The following NOA1 variants were observed in gnomAD, a reference collection of about 807,000 sequenced individuals.
The protein encoded by NOA1 is nitric oxide-associated protein 1.
Under a neutral mutation model 58.4 loss-of-function variants are expected in NOA1, and 35 were observed. The observed-to-expected ratio is 0.60, with a 90% CI of 0.46 to 0.79. NOA1 has a LOEUF of 0.79. Ranked by LOEUF, NOA1 falls within the 30% of genes least tolerant of loss-of-function variation. NOA1 has a pLI of 0.00. For missense variants in NOA1, 895 were observed against 894.6 expected, an observed-to-expected ratio of 1.00 and a Z score of -0.01; for synonymous variants, 397 against 373.4, an observed-to-expected ratio of 1.06 and a Z score of -0.73.
chr4:56,967,428 C>CA (rs1409698107), intron 4 of NOA1, among the ~76,000 whole-genome samples: 1 of 150,030 alleles, frequency 6.7e-6, no homozygotes, highest in Non-Finnish European at 1.5e-5. Flanking sequence ...ACCCCAAAAG[C>CA]AAAAAACCAA....
In NOA1 at chr4:56,976,721, G is replaced by A. The variant is rs534771757; in HGVS notation, c.865C>T (p.Pro289Ser). The change falls in exon 1 of 7, where the codon CCC becomes TCC. Residue 289 changes from proline (P) to serine (S), a missense_variant. Transcript: ENST00000264230. ...LAPGHQGPQRPVKDEPQDGEN... is the reference protein window; with the variant it reads ...LAPGHQGPQRSVKDEPQDGEN... Reference sequence around the variant, plus strand: ...CCGTCCTGTGGCTCGTCCTTGACGGGGCGCTGTGGCCCTTGGTGGCCAGGG... The same window carrying A: ...CCGTCCTGTGGCTCGTCCTTGACGGAGCGCTGTGGCCCTTGGTGGCCAGGG... 1 of 1,612,450 alleles carries A rather than the reference G, an allele frequency of 6.2e-7. No individual in the cohort carries two copies. The highest frequency in any genetic ancestry group is 2.2e-5 in the East Asian group (1 of 44,816).
chr4:56,963,735 A>T, intron 6 of NOA1, 74 bp from the exon 7 acceptor site: 1 of 1,068,332 alleles, frequency 9.4e-7, no homozygotes, highest in South Asian at 1.3e-5. Flanking sequence ...CAAAGCTGAA[A>T]ATGGACTATC....
In NOA1 at chr4:56,977,345, G is replaced by A. The variant is rs1286157537; in HGVS notation, c.241C>T (p.Pro81Ser). The A allele has an allele frequency of 2.5e-6, 4 of 1,614,202 alleles. No individual in the cohort carries two copies. Among genetic ancestry groups the A allele is most frequent in the Admixed American group, 3.3e-5 (2 of 60,034 alleles). The change falls in exon 1 of 7, where the codon CCG (proline) becomes TCG (serine). Residue 81 changes from proline to serine, a missense_variant. Physicochemically the swap from Pro to Ser is moderately conservative, Grantham distance 74. Transcript: ENST00000264230. ...RFLFPEYILD[P>S]EPQPTREKQL... ...TTTTCGCGGGTGGGTTGCGGCTCCGGATCCAGGATGTACTCCGGGAACAGA... is the reference window on the plus strand; with the variant it reads ...TTTTCGCGGGTGGGTTGCGGCTCCGAATCCAGGATGTACTCCGGGAACAGA...
chr4:56,969,902 T>A (rs937754151), intron 3 of NOA1, among the ~76,000 whole-genome samples: 1 of 152,070 alleles, frequency 6.6e-6, no homozygotes, highest in African/African-American at 2.4e-5. Context: ...TGTCTCAGTC[T>A]CCCAAGTAGC....
chr4:56,977,036 G>C lies in NOA1; in HGVS notation c.550C>G (p.Leu184Val). Reference sequence around the variant, plus strand: ...AGAGCGCGCCGGTGGTGCGACAGCAGCCAGCAGCGCTGGCACACGGTCCGT... The same window carrying C: ...AGAGCGCGCCGGTGGTGCGACAGCACCCAGCAGCGCTGGCACACGGTCCGT... Reference protein sequence around the residue: ...LARTVCQRCWLLSHHRRALRL... With the variant: ...LARTVCQRCWVLSHHRRALRL... The change falls in exon 1 of 7, where the codon CTG becomes GTG. Residue 184 changes from leucine to valine, a missense_variant. Leu to Val is a conservative substitution (Grantham distance 32). Coordinates refer to ENST00000264230, the MANE Select transcript of NOA1 (RefSeq NM_032313.4). 1 of 1,586,040 alleles carries C rather than the reference G, an allele frequency of 6.3e-7. No individual in the cohort carries two copies. Among genetic ancestry groups the C allele is most frequent in the Non-Finnish European group, 8.5e-7 (1 of 1,171,210 alleles).
chr4:56,966,815 A>C (rs1721720460), intron 4 of NOA1, 79 bp from the exon 5 acceptor site: 2 of 902,110 alleles, frequency 2.2e-6, no homozygotes, highest in South Asian at 3.0e-5. Flanking sequence ...AACTAAAAAA[A>C]AAACAAACCA....
rs1203066922 is a variant in NOA1 at position 56,965,834 on chromosome 4, C to CTTTTTT, written c.1764+785_1764+786insAAAAAA. Among the ~76,000 whole-genome samples, 299 of 90,624 alleles carry CTTTTTT rather than the reference C, an allele frequency of 3.3e-3. 5 individuals are homozygous for CTTTTTT. Among genetic ancestry groups the CTTTTTT allele is most frequent in the Non-Finnish European group, 5.6e-3 (234 of 41,458 alleles). The allele number at this position is 90,624 out of a possible 152,430, so 59.5% of individuals were successfully genotyped here. ...CTAAGCAACCATATTTTAAATTTTCCCTTTTTTTTTTTTTTTTTTAGAGAC... is the reference window on the plus strand; with the variant it reads ...CTAAGCAACCATATTTTAAATTTTCCTTTTTTCTTTTTTTTTTTTTTTTTTAGAGAC... On this transcript the variant is annotated intron_variant, in intron 5 of 6. Transcript: ENST00000264230.
At chr4:56,971,061 C>T (rs1354625064) in intron 3 of NOA1, among the ~76,000 whole-genome samples, 4 of 152,106 alleles carry the variant, frequency 2.6e-5, no homozygotes, top group Non-Finnish European at 4.4e-5. Flanking sequence ...ATCCACAATC[C>T]TAGCACTTTG....
In NOA1 at chr4:56,977,000, C is replaced by A; in HGVS notation, c.586G>T (p.Val196Leu). The part of the protein sequence containing the change: ...SHHRRALRLQ[V>L]SREQYLELVS... ...AGCTCCAGGTACTGCTCGCGGCTCACCTGCAGGCGTAGAGCGCGCCGGTGG... is the reference window on the plus strand; with the variant it reads ...AGCTCCAGGTACTGCTCGCGGCTCAACTGCAGGCGTAGAGCGCGCCGGTGG... Residue 196 changes from valine to leucine, a missense_variant, in exon 1 of 7, where the codon GTG becomes TTG. Val to Leu is a conservative substitution (Grantham distance 32, BLOSUM62 1). Around this residue, in one of 3 missense-constraint regions of NOA1, gnomAD observed 680 missense variants for 656.5 expected, o/e 1.04. Coordinates refer to ENST00000264230, the MANE Select transcript of NOA1 (RefSeq NM_032313.4). 1 of 1,594,360 alleles carries A rather than the reference C, an allele frequency of 6.3e-7. No homozygotes were observed.
In NOA1 at chr4:56,963,674, G is replaced by A. The variant is rs1350613940; in HGVS notation, c.1886-13C>T. ...ACTGAAACCCAACCTATGCAGGCATGTGACACAACACAAAAGGCTGTTAGC... is the reference window on the plus strand; with the variant it reads ...ACTGAAACCCAACCTATGCAGGCATATGACACAACACAAAAGGCTGTTAGC... On this transcript the variant is annotated splice_polypyrimidine_tract_variant and intron_variant, in intron 6 of 6. Transcript: ENST00000264230. The A allele has an allele frequency of 1.9e-6, 3 of 1,603,990 alleles. No individual in the cohort carries two copies. The East Asian group carries it at 6.7e-5, about 36-fold the overall frequency.
chr4:56,971,661 T>A (rs1458542324), intron 3 of NOA1, among the ~76,000 whole-genome samples: 1 of 152,132 alleles, frequency 6.6e-6, no homozygotes, highest in Non-Finnish European at 1.5e-5. Context: ...GATTAATGAA[T>A]CTGTTGTGAG....
At chr4:56,966,879 G>A (rs1383197355) in intron 4 of NOA1, 143 bp from the exon 5 acceptor site, 2 of 626,914 alleles carry the variant, frequency 3.2e-6, no homozygotes, top group African/African-American at 1.8e-5. Context: ...GGCAGTAGCT[G>A]TAAATCAAAT....
In NOA1 at chr4:56,976,525, A is replaced by G. The variant is rs755246967; in HGVS notation, c.1061T>C (p.Leu354Pro). ...VGATNAGKSTLFNTLLESDYC... is the reference protein window; with the variant it reads ...VGATNAGKSTPFNTLLESDYC... ...ATCGGACTCCAGGAGCGTGTTAAAG[A>G]GAGTGGATTTGCCGGCGTTGGTGGC... Residue 354 changes from leucine (L) to proline (P), a missense_variant, in exon 1 of 7, where the codon CTC becomes CCC. Leu to Pro is a moderately conservative substitution (Grantham distance 98, BLOSUM62 -3). Transcript: ENST00000264230. 3 of 1,614,190 alleles carry G rather than the reference A, an allele frequency of 1.9e-6. No homozygotes were observed. Among genetic ancestry groups the G allele is most frequent in the South Asian group, 2.2e-5 (2 of 91,084 alleles).
Position 56,976,906 on chromosome 4 carries a change from G to T in NOA1, c.680C>A (p.Pro227His). Reference sequence around the variant, plus strand: ...GGGCAAGTCGGGCAGCAGGGCGTCGGGCAGGTCCAGCAGGTCCACCATGTA... The same window carrying T: ...GGGCAAGTCGGGCAGCAGGGCGTCGTGCAGGTCCAGCAGGTCCACCATGTA... Reference protein sequence around the residue: ...VLYMVDLLDLPDALLPDLPAL... With the variant: ...VLYMVDLLDLHDALLPDLPAL... The change falls in exon 1 of 7, where the codon CCC (proline) becomes CAC (histidine). Residue 227 changes from proline (P) to histidine (H), a missense_variant. Around this residue, in one of 3 missense-constraint regions of NOA1, gnomAD observed 680 missense variants for 656.5 expected, o/e 1.04. Coordinates refer to ENST00000264230, the MANE Select transcript of NOA1 (RefSeq NM_032313.4). The T allele has an allele frequency of 6.2e-7, 1 of 1,612,208 alleles. No homozygotes were observed. Among genetic ancestry groups the T allele is most frequent in the Non-Finnish European group, 8.5e-7 (1 of 1,179,812 alleles).
rs1721756569 is a variant in NOA1, at chr4:56,968,452, T to C, written c.1579A>G (p.Arg527Gly). 6.2e-7 allele frequency: 1 copy of C among 1,612,814 alleles called. No individual in the cohort carries two copies. The highest frequency in any genetic ancestry group is 1.7e-5 in the Admixed American group (1 of 59,826). The change falls in exon 4 of 7, where the codon AGA becomes GGA. Residue 527 changes from arginine (R) to glycine (G), a missense_variant. By Grantham distance (125) the Arg-to-Gly change is moderately radical. Around this residue, in one of 3 missense-constraint regions of NOA1, gnomAD observed 212 missense variants for 221.3 expected, o/e 0.96. Transcript: ENST00000264230. ...ATTCCTGGTTTAAGCACAAAAGTTC[T>C]TGGAACAATGGACTGTGTTGGCAAA... is the stretch of plus-strand genomic sequence containing the variant. ...IVLPTQSIVP[R>G]TFVLKPGMVL...
chr4:56,973,074 T>G (rs1721834526), intron 3 of NOA1, 74 bp downstream of exon 3: 1 of 1,324,742 alleles, frequency 7.5e-7, no homozygotes, highest in Non-Finnish European at 1.1e-6. Context: ...TGGCTGTATC[T>G]GGGCAGCAGG....
At position 56,977,271 on chromosome 4, in the gene NOA1, C is replaced by T. The variant is rs771617350; in HGVS notation, c.315G>A (p.Arg105=). The part of the protein sequence containing the change: ...QQQQEEEERQ[R]QQRREERRQQ... ...GTCGCCGCTCCTCCCGCCGCTGCTG[C>T]CTCTGTCGCTCCTCCTCCTCCTGCT... The change falls in exon 1 of 7, where the codon AGG becomes AGA. Residue 105 remains arginine (R), a synonymous_variant. Transcript: ENST00000264230. The T allele has an allele frequency of 1.3e-5, 21 of 1,613,000 alleles. No individual in the cohort carries two copies. In the Admixed American group the frequency reaches 2.5e-4, roughly 19 times the overall value.
At chr4:56,976,117 G>A (rs893427658) in intron 1 of NOA1, among the ~76,000 whole-genome samples, 15 of 152,122 alleles carry the variant, frequency 9.9e-5, no homozygotes, top group African/African-American at 3.4e-4. Context: ...ACACTTTCTG[G>A]AACAATATAC....
At chr4:56,968,628 C>T in intron 3 of NOA1, 113 bp from the exon 4 acceptor site, 1 of 841,374 alleles carries the variant, frequency 1.2e-6, no homozygotes, top group Non-Finnish European at 1.8e-6. Context: ...TCAAAATAAA[C>T]CAAATTATGT....
Sources: allele counts gnomAD v4.1 joint callset (sites outside exome capture counted in the v4.1 genomes callset), GRCh38; gene constraint gnomAD v4.1.1; regional missense constraint gnomAD v4.1.1; transcripts MANE v1.5; gene names NCBI Gene and HGNC (gene_info 2026-07-23, HGNC 2026-07-21).